The following ANGPTL5 variants were observed in gnomAD, a reference collection of about 807,000 sequenced individuals.
The protein encoded by ANGPTL5 is angiopoietin-related protein 5.
A neutral mutation model predicts 39.4 loss-of-function variants in ANGPTL5; 34 were observed. The ratio of observed to expected loss-of-function variants is 0.86; its 90% CI spans 0.66 to 1.15. The LOEUF is 1.15. Ranked by LOEUF, ANGPTL5 falls within the 50% of genes most tolerant of loss-of-function variation. The pLI, the probability that ANGPTL5 is intolerant of heterozygous loss-of-function variation, is 0.00. For synonymous variants in ANGPTL5, 146 were observed against 152.1 expected (o/e 0.96, Z 0.29); for missense variants, 467 against 457.5 (o/e 1.02, Z -0.19).
intron 1 of ANGPTL5, among the ~76,000 whole-genome samples, chr11:101,910,424 A>AAAAAAAATATAT (rs1469724609): frequency 9.4e-5 from 12 of 127,218 alleles, no homozygotes; most frequent in African/African-American, 3.3e-4. Flanking sequence ...AAAAAAAAAA[A>AAAAAAAATATAT]ATATATATAT....
intron 8 of ANGPTL5, among the ~76,000 whole-genome samples, chr11:101,892,473 C>T (rs1939719523): frequency 6.6e-6 from 1 of 152,092 alleles, no homozygotes; most frequent in Non-Finnish European, 1.5e-5. Flanking sequence ...TCAAGTGATC[C>T]ACCCACCTCG....
chr11:101,894,864 T>TA lies in ANGPTL5; in HGVS notation c.847+14dup, dbSNP rs761839323. ...ATTTAGATCTGGATAATTTTAGGAA[T>TA]AAAAAAAATCTTACCAGCATTTCCT... On this transcript the variant is annotated intron_variant, in intron 8 of 8. Coordinates refer to ENST00000334289, the MANE Select transcript of ANGPTL5 (RefSeq NM_178127.5). The TA allele has an allele frequency of 3.1e-5, 50 of 1,597,894 alleles. No individual in the cohort carries two copies. The highest frequency in any genetic ancestry group is 3.9e-5 in the Non-Finnish European group (46 of 1,166,334).
intron 6 of ANGPTL5, among the ~76,000 whole-genome samples, chr11:101,900,846 CT>C (rs901780534): frequency 6.3e-4 from 95 of 151,456 alleles, no homozygotes; most frequent in Middle Eastern, 3.4e-3. Context: ...GTATTTGCAG[CT>C]TTTTTTTCCC....
intron 1 of ANGPTL5, among the ~76,000 whole-genome samples, chr11:101,913,526 C>A (rs1480041591): frequency 6.6e-6 from 1 of 152,126 alleles, no homozygotes; most frequent in South Asian, 2.1e-4. Context: ...AGGCTGTAAC[C>A]CTTTCCTCTC....
intron 8 of ANGPTL5, 54 bp downstream of exon 8, chr11:101,894,825 A>AT: frequency 6.9e-7 from 1 of 1,448,428 alleles, no homozygotes; most frequent in Non-Finnish European, 9.7e-7. Context: ...TCACTTAATA[A>AT]TGAGTCAGTT....
In ANGPTL5 at chr11:101,910,715, A is replaced by T. The variant is rs1389084948; in HGVS notation, c.-92-2714T>A. On this transcript the variant is annotated intron_variant, in intron 1 of 8. Coordinates refer to ENST00000334289, the MANE Select transcript of ANGPTL5 (RefSeq NM_178127.5). ...ACATTTGACTTTTTTTCTCTCGCTT[A>T]CTGCAACCATCCACCAACACATCTT... is the stretch of plus-strand genomic sequence containing the variant. Among the ~76,000 whole-genome samples, 4 of 152,212 alleles carry T rather than the reference A, an allele frequency of 2.6e-5. No homozygotes were observed. The East Asian group carries it at 7.7e-4, about 29-fold the overall frequency.
intron 6 of ANGPTL5, 124 bp downstream of exon 6, chr11:101,902,497 T>C (rs2137058348): frequency 1.2e-6 from 1 of 847,202 alleles, no homozygotes; most frequent in South Asian, 1.8e-5. Context: ...CTTTACCTAA[T>C]TTATTTAAAA....
At chr11:101,893,754 G>A (rs1565337611) in intron 8 of ANGPTL5, among the ~76,000 whole-genome samples, 1 of 152,086 alleles carries the variant, frequency 6.6e-6, no homozygotes, top group Non-Finnish European at 1.5e-5. Flanking sequence ...GATCATGATT[G>A]GAATTTCAGA....
In ANGPTL5 at chr11:101,891,368, A is replaced by G; in HGVS notation, c.1078T>C (p.Trp360Arg). 6.2e-7 allele frequency: 1 copy of G among 1,614,064 alleles called. No individual in the cohort carries two copies. The highest frequency in any genetic ancestry group is 8.5e-7 in the Non-Finnish European group (1 of 1,179,970). Residue 360 changes from tryptophan (W) to arginine (R), a missense_variant, in exon 9 of 9, where the codon TGG becomes CGG. Coordinates refer to ENST00000334289, the MANE Select transcript of ANGPTL5 (RefSeq NM_178127.5). ...SGKLLATGIQWGTWTKNNSPV... is the reference protein window; with the variant it reads ...SGKLLATGIQRGTWTKNNSPV... ...GAGTTGTTTTTGGTCCACGTGCCCC[A>G]TTGAATTCCAGTTGCAAGCAATTTT...
At chr11:101,894,710 C>A (rs1939759802) in intron 8 of ANGPTL5, among the ~76,000 whole-genome samples, 169 bp downstream of exon 8, 1 of 152,152 alleles carries the variant, frequency 6.6e-6, no homozygotes, top group African/African-American at 2.4e-5. Flanking sequence ...GTACAATGAT[C>A]ATAACAAAGT....
At chr11:101,905,876 A>G in intron 3 of ANGPTL5, 29 bp from the exon 4 acceptor site, 1 of 1,260,114 alleles carries the variant, frequency 7.9e-7, no homozygotes, top group Non-Finnish European at 1.2e-6. Context: ...TGGCTGTTAA[A>G]TATTATATTG....
chr11:101,915,987 C>CGA (rs1423798043), intron 1 of ANGPTL5, 32 bp downstream of exon 1: 1 of 152,250 alleles, frequency 6.6e-6, no homozygotes, highest in Non-Finnish European at 1.5e-5. Flanking sequence ...TGGATTAACT[C>CGA]TGACTTTTCT....
chr11:101,910,185 C>A (rs1040023781), intron 1 of ANGPTL5, among the ~76,000 whole-genome samples: 1 of 151,902 alleles, frequency 6.6e-6, no homozygotes, highest in African/African-American at 2.4e-5. Context: ...CTGAGGCGGG[C>A]GGATTACCTG....
chr11:101,910,601 C>T (rs1027260450), intron 1 of ANGPTL5, among the ~76,000 whole-genome samples: 2 of 151,974 alleles, frequency 1.3e-5, no homozygotes, highest in Non-Finnish European at 2.9e-5. Flanking sequence ...AAGCCTAACT[C>T]GTATTCCTTA....
At position 101,905,777 on chromosome 11, in the gene ANGPTL5, C is replaced by A; in HGVS notation, c.312G>T (p.Glu104Asp). The change falls in exon 4 of 9, where the codon GAG (glutamate) becomes GAT (aspartate). Residue 104 changes from glutamate to aspartate, a missense_variant. Physicochemically the swap from Glu to Asp is conservative, Grantham distance 45. Coordinates refer to ENST00000334289, the MANE Select transcript of ANGPTL5 (RefSeq NM_178127.5). ...TKKLLRNMMDEQQASLDYLSN... is the reference protein window; with the variant it reads ...TKKLLRNMMDDQQASLDYLSN... ...ATAAATAATCCAAGGAAGCTTGTTG[C>A]TCATCCATCATATTCCTTAGTAGTT... 2 of 1,611,870 alleles carry A rather than the reference C, an allele frequency of 1.2e-6. No individual in the cohort carries two copies. Among genetic ancestry groups the A allele is most frequent in the Non-Finnish European group, 1.7e-6 (2 of 1,178,688 alleles).
At chr11:101,909,343 T>C (rs1940052978) in intron 1 of ANGPTL5, among the ~76,000 whole-genome samples, 1 of 152,218 alleles carries the variant, frequency 6.6e-6, no homozygotes, top group African/African-American at 2.4e-5. Flanking sequence ...ATTTAAAGAT[T>C]AGTTTCAACA....
At chr11:101,910,332 C>G (rs978773183) in intron 1 of ANGPTL5, among the ~76,000 whole-genome samples, 7 of 150,670 alleles carry the variant, frequency 4.6e-5, no homozygotes, top group African/African-American at 1.7e-4. Context: ...ATTGCTTGAA[C>G]CCGGGAGGTA....
intron 7 of ANGPTL5, among the ~76,000 whole-genome samples, chr11:101,900,176 A>G (rs1939868489): frequency 6.6e-6 from 1 of 152,226 alleles, no homozygotes; most frequent in South Asian, 2.1e-4. Flanking sequence ...CATAATAGAT[A>G]CTTAATACAT....
chr11:101,899,100 A>G (rs1939848478), intron 7 of ANGPTL5, among the ~76,000 whole-genome samples: 1 of 152,110 alleles, frequency 6.6e-6, no homozygotes, highest in Non-Finnish European at 1.5e-5. Flanking sequence ...TTGGCCTGAA[A>G]TTTTCTTTTT....
Sources: gnomAD v4.1 joint callset for allele counts (sites outside exome capture counted in the v4.1 genomes callset) on GRCh38, gnomAD v4.1.1 for gene constraint, MANE v1.5 for transcripts, NCBI Gene and HGNC (gene_info 2026-07-23, HGNC 2026-07-21) for gene names.